NCKAP5: variants seen among roughly 807,000 people sequenced by gnomAD.
The protein encoded by NCKAP5 is nck-associated protein 5.
NCKAP5 carries 92 observed loss-of-function variants against 167.0 expected under a neutral mutation model. The observed-to-expected ratio is 0.55, with a 90% CI of 0.47 to 0.66. The LOEUF (loss-of-function observed/expected upper bound fraction) is 0.66, where lower values mean the gene tolerates loss of function less well. Among genes scored for constraint, NCKAP5 ranks in the 30% least tolerant of loss-of-function variants. NCKAP5 has a pLI of 0.00. For synonymous variants in NCKAP5, 891 were observed against 877.4 expected (o/e 1.02, Z -0.27); for missense variants, 2,378 against 2,315.0 (o/e 1.03, Z -0.56).
intron 11 of NCKAP5, among the ~76,000 whole-genome samples, chr2:132,832,661 C>T (rs979800209): frequency 6.6e-5 from 10 of 152,148 alleles, no homozygotes; most frequent in Admixed American, 6.5e-5. Flanking sequence ...AAGAAAATGA[C>T]CTCCAGTTCC....
chr2:132,987,263 C>A (rs866632026), intron 7 of NCKAP5, among the ~76,000 whole-genome samples: 3 of 152,024 alleles, frequency 2.0e-5, no homozygotes, highest in Non-Finnish European at 4.4e-5. Context: ...AGGTAAAGTT[C>A]AAAGTCAAAA....
At chr2:133,633,896 C>T in the NCKAP5 span, among the ~76,000 whole-genome samples, 20 of 152,204 alleles carry the variant, frequency 1.3e-4, no homozygotes, top group Non-Finnish European at 1.6e-4. Context: ...CTCTGAACAA[C>T]TACACTGGGT....
At chr2:133,464,331 T>C (rs927738996) in intron 3 of NCKAP5, among the ~76,000 whole-genome samples, 13 of 152,178 alleles carry the variant, frequency 8.5e-5, no homozygotes, top group African/African-American at 3.1e-4. Context: ...TCCTTGAGGA[T>C]AGAAATGGCA....
At chr2:133,350,434 T>A (rs1000308796) in intron 3 of NCKAP5, among the ~76,000 whole-genome samples, 1 of 151,978 alleles carries the variant, frequency 6.6e-6, no homozygotes, top group African/African-American at 2.4e-5. Context: ...TGAAAATATA[T>A]AAATAAATAG....
At chr2:132,957,427 T>C (rs1356346708) in intron 8 of NCKAP5, among the ~76,000 whole-genome samples, 2 of 152,326 alleles carry the variant, frequency 1.3e-5, no homozygotes, top group Non-Finnish European at 2.9e-5. Context: ...ATTCTGACTC[T>C]CTCACTGACT....
At chr2:132,981,324 G>A (rs1276802658) in intron 7 of NCKAP5, among the ~76,000 whole-genome samples, 1 of 152,094 alleles carries the variant, frequency 6.6e-6, no homozygotes, top group Non-Finnish European at 1.5e-5. Context: ...AAGGCATGCA[G>A]CAAATAGCCC....
At chr2:133,489,937 G>A (rs1681291046) in intron 3 of NCKAP5, among the ~76,000 whole-genome samples, 1 of 152,168 alleles carries the variant, frequency 6.6e-6, no homozygotes, top group African/African-American at 2.4e-5. Context: ...TTTCACACCA[G>A]GAACTAGCTG....
the NCKAP5 span, among the ~76,000 whole-genome samples, chr2:133,599,065 C>T: frequency 6.6e-6 from 1 of 152,224 alleles, no homozygotes; most frequent in Non-Finnish European, 1.5e-5. Flanking sequence ...GAATAGAACT[C>T]TTTATAAGAA....
chr2:133,345,654 G>C (rs1180761122), intron 3 of NCKAP5, among the ~76,000 whole-genome samples: 1 of 152,196 alleles, frequency 6.6e-6, no homozygotes, highest in Admixed American at 6.5e-5. Flanking sequence ...GAACCAAAGA[G>C]CTGAAGGTCT....
At chr2:133,414,733 T>C (rs1688996701) in intron 3 of NCKAP5, among the ~76,000 whole-genome samples, 1 of 152,232 alleles carries the variant, frequency 6.6e-6, no homozygotes, top group African/African-American at 2.4e-5. Context: ...CTAATAGTGG[T>C]GCTTTCTCTG....
At chr2:133,494,335 T>C (rs1032047755) in intron 3 of NCKAP5, among the ~76,000 whole-genome samples, 5 of 152,174 alleles carry the variant, frequency 3.3e-5, no homozygotes, top group Admixed American at 6.5e-5. Flanking sequence ...TTCACCAAGA[T>C]ATCTCAGTTT....
chr2:132,860,815 A>T (rs988839775), intron 10 of NCKAP5, among the ~76,000 whole-genome samples: 6 of 152,270 alleles, frequency 3.9e-5, no homozygotes, highest in South Asian at 2.1e-4. Flanking sequence ...AATTTTTTTT[A>T]AAAAAGCACC....
intron 5 of NCKAP5, among the ~76,000 whole-genome samples, chr2:133,150,292 G>C (rs572506162): frequency 1.6e-4 from 24 of 152,118 alleles, no homozygotes; most frequent in Non-Finnish European, 4.4e-5. Context: ...GCGGATACCT[G>C]CCTGTCAGTC....
intron 6 of NCKAP5, among the ~76,000 whole-genome samples, chr2:133,029,114 T>C (rs1056364263): frequency 1.3e-5 from 2 of 152,194 alleles, no homozygotes; most frequent in Admixed American, 1.3e-4. Flanking sequence ...TTCATAGGAA[T>C]GCAAGAATGG....
intron 5 of NCKAP5, among the ~76,000 whole-genome samples, chr2:133,177,224 T>C (rs2084508299): frequency 6.6e-6 from 1 of 150,586 alleles, no homozygotes. Context: ...GTTTTCCATC[T>C]CTCCATCCGT....
chr2:133,544,558 C>A (rs1367304976), intron 2 of NCKAP5, among the ~76,000 whole-genome samples: 1 of 152,138 alleles, frequency 6.6e-6, no homozygotes, highest in Non-Finnish European at 1.5e-5. Flanking sequence ...ATGACTCGGG[C>A]TCCATCGTGT....
At chr2:133,478,911 G>A (rs1182380511) in intron 3 of NCKAP5, among the ~76,000 whole-genome samples, 12 of 151,924 alleles carry the variant, frequency 7.9e-5, no homozygotes, top group Admixed American at 5.9e-4. Flanking sequence ...CACTAGATCC[G>A]CCCAATTGTC....
chr2:133,197,749 G>T (rs2085502167), intron 5 of NCKAP5, among the ~76,000 whole-genome samples: 1 of 151,958 alleles, frequency 6.6e-6, no homozygotes. Flanking sequence ...ATGAGATAGA[G>T]ACCATCCTGG....
At chr2:132,690,599 C>A (rs1686606585) in intron 19 of NCKAP5, among the ~76,000 whole-genome samples, 2 of 152,148 alleles carry the variant, frequency 1.3e-5, no homozygotes, top group Admixed American at 6.6e-5. Flanking sequence ...TGCCTAAAGT[C>A]ACAGCTTCTG....
Sources: gnomAD v4.1 joint callset for allele counts (sites outside exome capture counted in the v4.1 genomes callset) on GRCh38, gnomAD v4.1.1 for gene constraint, MANE v1.5 for transcripts, NCBI Gene and HGNC (gene_info 2026-07-23, HGNC 2026-07-21) for gene names.